The following CNTN3 variants were observed in gnomAD, a reference collection of about 807,000 sequenced individuals.
CNTN3 encodes contactin 3, also known as contactin-3.
A neutral mutation model predicts 119.1 loss-of-function variants in CNTN3; 60 were observed. That is an observed-to-expected ratio of 0.50 (90% confidence interval 0.41 to 0.62). CNTN3 has a LOEUF of 0.62. CNTN3 is among the 20% of genes least tolerant of loss of function. The pLI, the probability that CNTN3 is intolerant of heterozygous loss-of-function variation, is 0.00. For missense variants in CNTN3, 1,101 were observed against 1,242.4 expected (o/e 0.89, Z 1.71); for synonymous variants, 450 against 438.7 (o/e 1.03, Z -0.32).
At position 74,435,259 on chromosome 3, in the gene CNTN3, C is replaced by G. The variant is rs375406178; in HGVS notation, c.359-10319G>C. 1.6e-4 allele frequency among the ~76,000 whole-genome samples: 25 copies of G among 152,170 alleles called. 1 individual carries two copies. Among genetic ancestry groups the G allele is most frequent in the African/African-American group, 5.6e-4 (23 of 41,438 alleles). On this transcript the variant is annotated intron_variant, in intron 4 of 22. Transcript: ENST00000263665. ...GCACCATCTCAGCTCACTGTAACCT[C>G]TCCCTTCCAGGCTCCAGAGATTCTT...
At chr3:74,314,626 C>A (rs1206171136) in intron 13 of CNTN3, among the ~76,000 whole-genome samples, 1 of 152,112 alleles carries the variant, frequency 6.6e-6, no homozygotes. Flanking sequence ...ATTTACCTAA[C>A]AACAGAGCAT....
chr3:74,569,448 T>C (rs1704276450), intron 1 of CNTN3, among the ~76,000 whole-genome samples: 1 of 152,148 alleles, frequency 6.6e-6, no homozygotes, highest in African/African-American at 2.4e-5. Flanking sequence ...CAGCTGTTCT[T>C]ACTGTCTCGC....
chr3:74,509,142 C>T (rs1703317903), intron 2 of CNTN3, among the ~76,000 whole-genome samples: 1 of 152,100 alleles, frequency 6.6e-6, no homozygotes, highest in Non-Finnish European at 1.5e-5. Flanking sequence ...AATCCCTCTT[C>T]ATTATATATT....
chr3:74,382,096 T>C (rs561019952), intron 5 of CNTN3, among the ~76,000 whole-genome samples: 1 of 152,084 alleles, frequency 6.6e-6, no homozygotes, highest in East Asian at 1.9e-4. Flanking sequence ...TAATCCCAGC[T>C]ACTTGAGAGT....
chr3:74,356,747 C>A (rs1273656172), intron 11 of CNTN3, among the ~76,000 whole-genome samples: 3 of 152,060 alleles, frequency 2.0e-5, no homozygotes, highest in Non-Finnish European at 4.4e-5. Flanking sequence ...AATCCATTTA[C>A]TACTCTAGCT....
At chr3:74,483,608 A>G (rs941580304) in intron 4 of CNTN3, among the ~76,000 whole-genome samples, 3 of 152,072 alleles carry the variant, frequency 2.0e-5, no homozygotes, top group African/African-American at 7.2e-5. Context: ...ATCTAAGCCC[A>G]GTGTTTCCCA....
chr3:74,465,524 T>G (rs138214451), intron 4 of CNTN3, among the ~76,000 whole-genome samples: 1 of 152,214 alleles, frequency 6.6e-6, no homozygotes, highest in East Asian at 1.9e-4. Context: ...TGGTGTCTTC[T>G]AATGGAAGAA....
At chr3:74,450,065 A>G (rs1018618364) in intron 4 of CNTN3, among the ~76,000 whole-genome samples, 2 of 152,152 alleles carry the variant, frequency 1.3e-5, no homozygotes, top group Non-Finnish European at 2.9e-5. Context: ...CCTAAGAAAC[A>G]AGAATTGTCC....
intron 1 of CNTN3, among the ~76,000 whole-genome samples, chr3:74,600,389 T>C (rs1017387778): frequency 1.3e-5 from 2 of 152,064 alleles, no homozygotes; most frequent in African/African-American, 4.8e-5. Flanking sequence ...ATATAAATTT[T>C]TCTTCCAAGT....
intron 1 of CNTN3, among the ~76,000 whole-genome samples, chr3:74,590,445 C>T (rs941913307): frequency 6.6e-5 from 10 of 151,890 alleles, no homozygotes; most frequent in Admixed American, 1.3e-4. Context: ...AGAAGAAGAA[C>T]GGGTGGTGAA....
At chr3:74,407,772 T>C (rs1701360476) in intron 5 of CNTN3, among the ~76,000 whole-genome samples, 1 of 152,016 alleles carries the variant, frequency 6.6e-6, no homozygotes, top group Non-Finnish European at 1.5e-5. Context: ...ACCCCACAAA[T>C]ATATATAAAT....
intron 4 of CNTN3, among the ~76,000 whole-genome samples, chr3:74,433,290 T>C (rs969879046): frequency 2.6e-5 from 4 of 152,058 alleles, no homozygotes; most frequent in African/African-American, 4.8e-5. Flanking sequence ...TGCAAGAAAC[T>C]GTCTACCCGC....
chr3:74,283,305 T>C (rs190986335), intron 20 of CNTN3, among the ~76,000 whole-genome samples: 2 of 152,230 alleles, frequency 1.3e-5, no homozygotes. Flanking sequence ...AGTCATGACA[T>C]TGCTGTGGGA....
chr3:74,433,805 G>A (rs1263881589), intron 4 of CNTN3, among the ~76,000 whole-genome samples: 1 of 152,116 alleles, frequency 6.6e-6, no homozygotes, highest in Non-Finnish European at 1.5e-5. Context: ...ACCAGCTTTG[G>A]CCACATCTCT....
At chr3:74,466,423 A>C (rs1702461483) in intron 4 of CNTN3, among the ~76,000 whole-genome samples, 1 of 152,226 alleles carries the variant, frequency 6.6e-6, no homozygotes, top group Admixed American at 6.5e-5. Context: ...AAACGGAAGA[A>C]AGTATGATAA....
At chr3:74,603,463 G>A (rs1277916372) in intron 1 of CNTN3, among the ~76,000 whole-genome samples, 4 of 152,148 alleles carry the variant, frequency 2.6e-5, no homozygotes, top group African/African-American at 9.6e-5. Flanking sequence ...CAATATGGAA[G>A]AGCAATGCTG....
At chr3:74,475,340 G>C (rs1702635423) in intron 4 of CNTN3, among the ~76,000 whole-genome samples, 1 of 152,178 alleles carries the variant, frequency 6.6e-6, no homozygotes, top group Non-Finnish European at 1.5e-5. Flanking sequence ...CCACAAAGCA[G>C]ACTTATAAAT....
At chr3:74,316,107 A>G (rs1702824979) in intron 13 of CNTN3, among the ~76,000 whole-genome samples, 1 of 152,196 alleles carries the variant, frequency 6.6e-6, no homozygotes, top group African/African-American at 2.4e-5. Flanking sequence ...ATAAATGTCT[A>G]AGATTCAGAA....
Position 74,365,619 on chromosome 3 carries a change from TGCC to T in CNTN3, c.1027_1029del (p.Gly343del). On this transcript the variant is annotated inframe_deletion, in exon 9 of 23. Coordinates refer to ENST00000263665, the MANE Select transcript of CNTN3 (RefSeq NM_020872.3). Reference sequence around the variant, plus strand: ...AGCCATCGGTAGGAAGGCTTGGGCTTGCCGCTTGCCCTGCATTCCCAATAAAGA... The same window carrying T: ...AGCCATCGGTAGGAAGGCTTGGGCTTGCTTGCCCTGCATTCCCAATAAAGA... The T allele has an allele frequency of 6.2e-7, 1 of 1,613,548 alleles. No individual in the cohort carries two copies. The highest frequency in any genetic ancestry group is 1.1e-5 in the South Asian group (1 of 91,060).
Sources: allele counts gnomAD v4.1 joint callset (sites outside exome capture counted in the v4.1 genomes callset), GRCh38; gene constraint gnomAD v4.1.1; transcripts MANE v1.5; gene names NCBI Gene and HGNC (gene_info 2026-07-23, HGNC 2026-07-21).